The following CASTOR2 variants were observed in gnomAD, a reference collection of about 807,000 sequenced individuals.
The protein encoded by CASTOR2 is cytosolic arginine sensor for mTORC1 subunit 2.
CASTOR2 carries 8 observed loss-of-function variants against 31.2 expected under a neutral mutation model. The ratio of observed to expected loss-of-function variants is 0.26; its 90% CI spans 0.15 to 0.46. The LOEUF is 0.46. Ranked by LOEUF, CASTOR2 falls within the 20% of genes least tolerant of loss-of-function variation. The pLI, the probability that CASTOR2 is intolerant of heterozygous loss-of-function variation, is 0.99. For synonymous variants in CASTOR2, 162 were observed against 158.7 expected, an observed-to-expected ratio of 1.02 and a Z score of -0.16; for missense variants, 216 against 382.1, an observed-to-expected ratio of 0.57 and a Z score of 3.62.
chr7:74,996,494 T>C (rs1804349929), intron 1 of CASTOR2, among the ~76,000 whole-genome samples: 3 of 151,756 alleles, frequency 2.0e-5, no homozygotes, highest in East Asian at 2.0e-4. Context: ...AATATTTCCA[T>C]TGTGGTCTTC....
chr7:75,029,159 T>C lies in CASTOR2; in HGVS notation c.*4460T>C, dbSNP rs1805227001. Among the ~76,000 whole-genome samples the C allele has an allele frequency of 6.6e-6, 1 of 152,136 alleles. No individual in the cohort carries two copies. Among genetic ancestry groups the C allele is most frequent in the Admixed American group, 6.5e-5 (1 of 15,278 alleles). On this transcript the variant is annotated 3_prime_UTR_variant, in exon 9 of 9. Transcript: ENST00000616305. ...AAGCCCAGGGCACTATTTGGTGATC[T>C]TCAAAGGTGAACACAGGCCACCTCC...
chr7:74,965,880 A>T (rs1227397909), intron 1 of CASTOR2, among the ~76,000 whole-genome samples: 18 of 21,474 alleles, frequency 8.4e-4, no homozygotes, highest in Non-Finnish European at 1.2e-3. Context: ...ACACACACAC[A>T]CACTCTCTCT....
intron 1 of CASTOR2, among the ~76,000 whole-genome samples, chr7:74,995,589 C>T (rs1554437860): frequency 0.014 from 2,163 of 150,086 alleles, 60 homozygotes; most frequent in African/African-American, 0.05. Context: ...GGGCGGGTCA[C>T]GAGGTCAGGA....
intron 1 of CASTOR2, among the ~76,000 whole-genome samples, chr7:74,977,198 A>C (rs1465783267): frequency 2.0e-5 from 3 of 150,632 alleles, no homozygotes; most frequent in South Asian, 2.1e-4. Flanking sequence ...AAAAAAAAAA[A>C]AAAAAACACC....
At chr7:75,010,723 G>A (rs1804723323) in intron 2 of CASTOR2, among the ~76,000 whole-genome samples, 1 of 152,158 alleles carries the variant, frequency 6.6e-6, no homozygotes, top group South Asian at 2.1e-4. Context: ...TAGCCAGCCA[G>A]CCTTACCTCT....
chr7:75,025,196 T>A lies in CASTOR2; in HGVS notation c.*497T>A, dbSNP rs1277452131. Among the ~76,000 whole-genome samples the A allele has an allele frequency of 1.3e-5, 2 of 152,178 alleles. No homozygotes were observed. Among genetic ancestry groups the A allele is most frequent in the African/African-American group, 2.4e-5 (1 of 41,456 alleles). On this transcript the variant is annotated 3_prime_UTR_variant, in exon 9 of 9. Transcript: ENST00000616305. ...TCTGCTTCCATCAGCTCAGGGCTGG[T>A]TCCCTCGGAGTGGAGGCCAGCGTGG...
intron 1 of CASTOR2, among the ~76,000 whole-genome samples, chr7:74,994,112 C>T (rs1368572737): frequency 2.6e-5 from 4 of 152,352 alleles, no homozygotes; most frequent in South Asian, 4.1e-4. Context: ...AACAGGCAGC[C>T]GCAGCGATTG....
chr7:75,007,016 G>T (rs1165605932), intron 1 of CASTOR2, among the ~76,000 whole-genome samples: 1 of 152,170 alleles, frequency 6.6e-6, no homozygotes, highest in African/African-American at 2.4e-5. Context: ...CCCCTCAATG[G>T]GTGGGGGTGC....
Position 75,019,083 on chromosome 7 carries a change from TCTA to T in CASTOR2, c.626_628del (p.Tyr209del). On this transcript the variant is annotated inframe_deletion, in exon 5 of 9. Coordinates refer to ENST00000616305, the MANE Select transcript of CASTOR2 (RefSeq NM_001145064.3). Reference sequence around the variant, plus strand: ...GCCACACTCCTCATGGATGTCATGTTCTACTCCAATGGGTAGGGCTGCCTTGGG... The same window carrying T: ...GCCACACTCCTCATGGATGTCATGTTCTCCAATGGGTAGGGCTGCCTTGGG... The T allele has an allele frequency of 6.4e-7, 1 of 1,551,842 alleles. No individual in the cohort carries two copies. Among genetic ancestry groups the T allele is most frequent in the South Asian group, 1.2e-5 (1 of 84,058 alleles).
intron 2 of CASTOR2, among the ~76,000 whole-genome samples, chr7:75,014,471 A>G (rs1804822345): frequency 6.6e-6 from 1 of 150,570 alleles, no homozygotes; most frequent in Non-Finnish European, 1.5e-5. Flanking sequence ...ATGCACCTGT[A>G]GTCCCAGCTA....
chr7:74,967,667 C>T (rs868938640), intron 1 of CASTOR2, among the ~76,000 whole-genome samples: 2,010 of 71,750 alleles, frequency 0.028, 17 homozygotes, highest in Non-Finnish European at 0.04. Flanking sequence ...CTCAGCCTCC[C>T]GAGTAGCTGG....
intron 2 of CASTOR2, among the ~76,000 whole-genome samples, chr7:75,010,652 A>G (rs1554439265): frequency 1.0e-3 from 153 of 152,062 alleles, no homozygotes; most frequent in African/African-American, 3.6e-3. Flanking sequence ...CAGGTGCAGC[A>G]CTGAGGAACA....
At chr7:75,023,867 C>G (rs1275815916) in intron 7 of CASTOR2, among the ~76,000 whole-genome samples, 1 of 152,226 alleles carries the variant, frequency 6.6e-6, no homozygotes, top group African/African-American at 2.4e-5. Flanking sequence ...GCACCAGGCC[C>G]CACCTCCAAT....
chr7:75,027,941 C>G lies in CASTOR2; in HGVS notation c.*3242C>G. Reference sequence around the variant, plus strand: ...GGGAGGGTCTCTCCAGGCCCCAGACCCCACTTGGAGGGGCATGTGTTTCTC... The same window carrying G: ...GGGAGGGTCTCTCCAGGCCCCAGACGCCACTTGGAGGGGCATGTGTTTCTC... On this transcript the variant is annotated 3_prime_UTR_variant, in exon 9 of 9. Transcript: ENST00000616305. The G allele has an allele frequency of 2.9e-6, 4 of 1,385,932 alleles. No individual in the cohort carries two copies. The highest frequency in any genetic ancestry group is 4.0e-6 in the Non-Finnish European group (4 of 1,012,196). 85.9% of individuals were successfully genotyped at this position (1,385,932 alleles called of 1,614,324 possible). A position where few individuals can be genotyped will look rare whatever the true frequency, so the allele number is the denominator to read the frequency against.
intron 1 of CASTOR2, among the ~76,000 whole-genome samples, chr7:74,975,138 T>C (rs1803772011): frequency 6.6e-6 from 1 of 150,956 alleles, no homozygotes; most frequent in Non-Finnish European, 1.5e-5. Flanking sequence ...CAGCTAATTT[T>C]TTGTATTTTT....
chr7:75,003,532 C>T (rs1429775813), intron 1 of CASTOR2, among the ~76,000 whole-genome samples: 3 of 151,804 alleles, frequency 2.0e-5, no homozygotes, highest in Non-Finnish European at 4.4e-5. Flanking sequence ...GGGCAGATCA[C>T]GAGGTCAGGA....
rs1485395999 is a variant in CASTOR2, at chr7:75,018,180, C to T, written c.511+58C>T. 1.4e-4 allele frequency: 225 copies of T among 1,586,258 alleles called. 2 individuals carry two copies. The highest frequency in any genetic ancestry group is 1.0e-3 in the South Asian group (92 of 88,324). Reference sequence around the variant, plus strand: ...ACCTCACGAAGTTACCAGGCCCAGCCGCAGACCAGCCTTACTCTCAGCACG... The same window carrying T: ...ACCTCACGAAGTTACCAGGCCCAGCTGCAGACCAGCCTTACTCTCAGCACG... On this transcript the variant is annotated intron_variant, in intron 4 of 8. Transcript: ENST00000616305.
At chr7:75,003,324 G>A (rs1442853282) in intron 1 of CASTOR2, among the ~76,000 whole-genome samples, 1 of 152,058 alleles carries the variant, frequency 6.6e-6, no homozygotes, top group Admixed American at 6.6e-5. Flanking sequence ...GGTAATGCAC[G>A]CCTGTAGTCC....
At chr7:74,983,988 C>G (rs1212233101) in intron 1 of CASTOR2, among the ~76,000 whole-genome samples, 2 of 151,046 alleles carry the variant, frequency 1.3e-5, no homozygotes, top group East Asian at 3.9e-4. Flanking sequence ...CACTTTGTTG[C>G]CCAGGCTGGC....
Sources: allele counts gnomAD v4.1 joint callset (sites outside exome capture counted in the v4.1 genomes callset), GRCh38; gene constraint gnomAD v4.1.1; transcripts MANE v1.5; gene names NCBI Gene and HGNC (gene_info 2026-07-23, HGNC 2026-07-21).